Variants in TMBIM1 observed in about 807,000 individuals in gnomAD.
The protein encoded by TMBIM1 is protein lifeguard 3.
In TMBIM1, 34 loss-of-function variants were observed where a neutral mutation model predicts 45.1. That is an observed-to-expected ratio of 0.75 (90% confidence interval 0.57 to 1.00). The LOEUF is 1.00. TMBIM1 is among the 50% of genes least tolerant of loss of function. TMBIM1 has a pLI of 0.00. For synonymous variants in TMBIM1, 157 were observed against 153.5 expected, an observed-to-expected ratio of 1.02 and a Z score of -0.17; for missense variants, 374 against 402.4, an observed-to-expected ratio of 0.93 and a Z score of 0.60.
intron 1 of TMBIM1, among the ~76,000 whole-genome samples, chr2:218,287,603 G>C (rs1454363798): frequency 6.6e-6 from 1 of 152,118 alleles, no homozygotes; most frequent in Admixed American, 6.5e-5. Flanking sequence ...CCAGCTACTC[G>C]GGAGGCTGAG....
chr2:218,280,792 T>A (rs1574641009), intron 2 of TMBIM1: 1 of 151,020 alleles, frequency 6.6e-6, no homozygotes, highest in Non-Finnish European at 1.5e-5. Flanking sequence ...GCACTCTAAC[T>A]TCACCTCATT....
At chr2:218,279,431 T>C in intron 3 of TMBIM1, 78 bp from the exon 4 acceptor site, 1 of 1,311,686 alleles carries the variant, frequency 7.6e-7, no homozygotes, top group Non-Finnish European at 1.0e-6. Context: ...CCCCAGTACT[T>C]TCCTCCCACT....
chr2:218,282,143 G>C lies in TMBIM1; in HGVS notation c.-2C>G, dbSNP rs141925429. 3.3e-6 allele frequency: 5 copies of C among 1,496,454 alleles called. No homozygotes were observed. The Admixed American group carries it at 1.2e-4, about 36-fold the overall frequency. 92.7% of individuals were successfully genotyped at this position (1,496,454 alleles called of 1,614,324 possible). On this transcript the variant is annotated 5_prime_UTR_variant, in exon 2 of 12. Transcript: ENST00000258412. ...TGGTGGGGCGCTGGGGTTGGACATGGCTGCTCACGGGCTGAGGGGGAACCC... is the reference window on the plus strand; with the variant it reads ...TGGTGGGGCGCTGGGGTTGGACATGCCTGCTCACGGGCTGAGGGGGAACCC...
intron 1 of TMBIM1, among the ~76,000 whole-genome samples, chr2:218,292,105 A>G (rs1467569855): frequency 6.6e-6 from 1 of 151,946 alleles, no homozygotes; most frequent in Non-Finnish European, 1.5e-5. Flanking sequence ...ACAGCTGGCC[A>G]CTCGGGCTGG....
chr2:218,281,696 G>A (rs900325880), intron 2 of TMBIM1, among the ~76,000 whole-genome samples: 1 of 152,186 alleles, frequency 6.6e-6, no homozygotes, highest in Non-Finnish European at 1.5e-5. Flanking sequence ...CCTGTGGTGT[G>A]TACGTTCTGG....
rs772231371 is a variant in TMBIM1 at position 218,277,372 on chromosome 2, C to G, written c.633G>C (p.Gln211His). 13 of 1,613,968 alleles carry G rather than the reference C, an allele frequency of 8.1e-6. No homozygotes were observed. The Admixed American group carries it at 8.3e-5, about 10-fold the overall frequency. The change falls in exon 9 of 12, where the codon CAG becomes CAC. Residue 211 changes from glutamine (Q) to histidine (H), a missense_variant. Physicochemically the swap from Gln to His is conservative, Grantham distance 24 (BLOSUM62 0). Transcript: ENST00000258412. The part of the protein sequence containing the change: ...VSISVTIFCF[Q>H]TKVDFTSCTG... The stretch of plus-strand genomic sequence containing the variant: ...GGGCCCTCCATGCCCTCACCTTGGT[C>G]TGAAAGCAGAAGATGGTGACTGAAA...
chr2:218,275,584 C>T lies in TMBIM1; in HGVS notation c.827G>A (p.Arg276Gln), dbSNP rs1404218898. The change falls in exon 12 of 12, where the codon CGG becomes CAG. Residue 276 changes from arginine to glutamine, a missense_variant. Transcript: ENST00000258412. ...GTCCTCGGGGCTGATGGTGTGCTTC[C>T]GGTTCCCCAGGACCAGCTGTGTGTC... ...AYDTQLVLGNRKHTISPEDYI... is the reference protein window; with the variant it reads ...AYDTQLVLGNQKHTISPEDYI... The T allele has an allele frequency of 2.2e-5, 36 of 1,613,694 alleles. No individual in the cohort carries two copies. The highest frequency in any genetic ancestry group is 6.7e-5 in the East Asian group (3 of 44,896).
chr2:218,275,225 G>T lies in TMBIM1; in HGVS notation c.*250C>A. On this transcript the variant is annotated 3_prime_UTR_variant, in exon 12 of 12. Transcript: ENST00000258412. Reference sequence around the variant, plus strand: ...GGTGTCATACAGTAGGTGGCGGGGAGAAGACACATCTTCAGCCTAGTCCCT... The same window carrying T: ...GGTGTCATACAGTAGGTGGCGGGGATAAGACACATCTTCAGCCTAGTCCCT... 1 of 393,530 alleles carries T rather than the reference G, an allele frequency of 2.5e-6. No homozygotes were observed. Among genetic ancestry groups the T allele is most frequent in the Non-Finnish European group, 4.5e-6 (1 of 222,544 alleles). 24.4% of individuals were successfully genotyped at this position (393,530 alleles called of 1,614,324 possible).
Position 218,276,052 on chromosome 2 carries a change from CAGCAT to C in TMBIM1, c.758_762del (p.Tyr253CysfsTer75). 1 of 1,613,076 alleles carries C rather than the reference CAGCAT, an allele frequency of 6.2e-7. No homozygotes were observed. The highest frequency in any genetic ancestry group is 8.5e-7 in the Non-Finnish European group (1 of 1,179,624). On this transcript the variant is annotated frameshift_variant, in exon 11 of 12. Transcript: ENST00000258412. LOFTEE classifies it high-confidence loss of function. ...AGGGTGAAACAAATGGCCCCCAGAG[CAGCAT>C]AGAGCATGTGGAGCCAGTAAACCTG...
chr2:218,288,033 G>C (rs1295058561), intron 1 of TMBIM1, among the ~76,000 whole-genome samples: 1 of 152,232 alleles, frequency 6.6e-6, no homozygotes, highest in African/African-American at 2.4e-5. Flanking sequence ...CACAGTCCCT[G>C]TTCACTTCCT....
intron 1 of TMBIM1, among the ~76,000 whole-genome samples, 154 bp downstream of exon 1, chr2:218,292,312 C>T (rs1043051912): frequency 1.1e-4 from 17 of 152,304 alleles, no homozygotes; most frequent in Middle Eastern, 6.8e-3. Context: ...GAGGGGAGAT[C>T]CCCATCTGGA....
chr2:218,289,008 G>C (rs1692739072), intron 1 of TMBIM1, among the ~76,000 whole-genome samples: 1 of 152,220 alleles, frequency 6.6e-6, no homozygotes, highest in African/African-American at 2.4e-5. Context: ...CAGCAGAGAT[G>C]AGTTTAAGCA....
chr2:218,278,762 G>T (rs917856567), intron 5 of TMBIM1, among the ~76,000 whole-genome samples, 197 bp from the exon 6 acceptor site: 4 of 152,370 alleles, frequency 2.6e-5, no homozygotes, highest in Non-Finnish European at 5.9e-5. Context: ...CCAGGAAGGA[G>T]GTCTGGGGAG....
At chr2:218,290,945 G>A (rs1396387696) in intron 1 of TMBIM1, among the ~76,000 whole-genome samples, 1 of 152,142 alleles carries the variant, frequency 6.6e-6, no homozygotes, top group Non-Finnish European at 1.5e-5. Flanking sequence ...TCCACTCTCT[G>A]GTCGTCCCAG....
In TMBIM1 at chr2:218,282,013, CGGGTAGCCA is replaced by C. The variant is rs1442487879; in HGVS notation, c.120_128del (p.Gly41_Pro43del). 2.5e-6 allele frequency: 4 copies of C among 1,606,636 alleles called. No individual in the cohort carries two copies. The African/African-American group carries it at 5.4e-5, about 22-fold the overall frequency. On this transcript the variant is annotated inframe_deletion, in exon 2 of 12. Coordinates refer to ENST00000258412, the MANE Select transcript of TMBIM1 (RefSeq NM_022152.6). ...CAGCAGGGTGACCGTAGCCAGGCTGCGGGTAGCCAGGGTAGGCAGGATACCCTCCTGGCA... is the reference window on the plus strand; with the variant it reads ...CAGCAGGGTGACCGTAGCCAGGCTGCGGGTAGGCAGGATACCCTCCTGGCA...
chr2:218,289,737 A>T (rs189996657), intron 1 of TMBIM1, among the ~76,000 whole-genome samples: 1,816 of 151,270 alleles, frequency 0.012, 20 homozygotes, highest in Non-Finnish European at 0.018. Flanking sequence ...GCTCCCCAAG[A>T]ACCTACACCA....
intron 11 of TMBIM1, 56 bp from the exon 12 acceptor site, chr2:218,275,677 T>A: frequency 6.4e-7 from 1 of 1,571,316 alleles, no homozygotes; most frequent in Non-Finnish European, 8.6e-7. Context: ...CCAGAGCTCA[T>A]TTTTGGTCAG....
chr2:218,284,231 C>T (rs1692314919), intron 1 of TMBIM1: 1 of 152,070 alleles, frequency 6.6e-6, no homozygotes, highest in Non-Finnish European at 1.5e-5. Context: ...CGTGATGTCA[C>T]CATGACGTGT....
chr2:218,282,332 C>A (rs975705755), intron 1 of TMBIM1, 151 bp from the exon 2 acceptor site: 7 of 506,838 alleles, frequency 1.4e-5, no homozygotes, highest in African/African-American at 1.0e-4. Context: ...TTGCTGTCCA[C>A]AGGCCACCTC....
Sources: gnomAD v4.1 joint callset for allele counts (sites outside exome capture counted in the v4.1 genomes callset) on GRCh38, gnomAD v4.1.1 for gene constraint, MANE v1.5 for transcripts, NCBI Gene and HGNC (gene_info 2026-07-23, HGNC 2026-07-21) for gene names.